Variants in BICD1 observed in about 807,000 individuals in gnomAD.
BICD1 encodes the protein BICD cargo adaptor 1.
BICD1 carries 35 observed loss-of-function variants against 92.5 expected under a neutral mutation model. The ratio of observed to expected loss-of-function variants is 0.38; its 90% confidence interval spans 0.29 to 0.50. BICD1 has a LOEUF of 0.50. Among genes scored for constraint, BICD1 ranks in the 20% least tolerant of loss-of-function variants. The pLI is 0.93. For missense variants in BICD1, 950 were observed against 1,189.8 expected (o/e 0.80, Z 2.97); for synonymous variants, 429 against 465.1 (o/e 0.92, Z 1.00).
chr12:32,363,211 AGAT>A (rs1431930122), intron 8 of BICD1, among the ~76,000 whole-genome samples: 1 of 152,188 alleles, frequency 6.6e-6, no homozygotes, highest in Non-Finnish European at 1.5e-5. Context: ...ACAGACCTAT[AGAT>A]GCTTTGAGCT....
At chr12:32,345,196 G>A (rs1938520460) in intron 8 of BICD1, among the ~76,000 whole-genome samples, 1 of 151,352 alleles carries the variant, frequency 6.6e-6, no homozygotes, top group African/African-American at 2.4e-5. Flanking sequence ...GCTAAGGCGG[G>A]AGGATTGCTT....
At chr12:32,336,072 T>C (rs1215048502) in intron 6 of BICD1, among the ~76,000 whole-genome samples, 1 of 152,226 alleles carries the variant, frequency 6.6e-6, no homozygotes, top group Non-Finnish European at 1.5e-5. Context: ...ATCACACCAC[T>C]GTACTCCAGC....
intron 1 of BICD1, among the ~76,000 whole-genome samples, chr12:32,195,949 G>A (rs1459611413): frequency 1.3e-5 from 2 of 152,106 alleles, no homozygotes; most frequent in Non-Finnish European, 2.9e-5. Context: ...TCATTAGCAA[G>A]AAAACATAAA....
At chr12:32,339,481 A>G in intron 8 of BICD1, 1 of 985,576 alleles carries the variant, frequency 1.0e-6, no homozygotes, top group Non-Finnish European at 1.2e-6. Flanking sequence ...CTCCTCAAGA[A>G]CATTTAGGTC....
chr12:32,345,665 G>C (rs1938538074), intron 8 of BICD1, among the ~76,000 whole-genome samples: 1 of 152,080 alleles, frequency 6.6e-6, no homozygotes, highest in Admixed American at 6.6e-5. Context: ...AAGTTATGAA[G>C]GGGAAGGAAG....
intron 1 of BICD1, among the ~76,000 whole-genome samples, chr12:32,137,096 T>C (rs916298506): frequency 4.6e-5 from 7 of 152,152 alleles, no homozygotes; most frequent in Non-Finnish European, 1.0e-4. Flanking sequence ...GTTTTTGTTT[T>C]TGTTTTGTTT....
At chr12:32,108,507 A>C (rs1941577145) in intron 1 of BICD1, 1 of 498,646 alleles carries the variant, frequency 2.0e-6, no homozygotes, top group Admixed American at 3.5e-5. Context: ...GCAAATAACC[A>C]CTTACAAATT....
At chr12:32,245,226 T>A (rs1946342273) in intron 2 of BICD1, among the ~76,000 whole-genome samples, 1 of 151,480 alleles carries the variant, frequency 6.6e-6, no homozygotes, top group Non-Finnish European at 1.5e-5. Flanking sequence ...TTGCTGGGAA[T>A]CAAAGAGCTT....
At chr12:32,185,805 A>G (rs1385461014) in intron 1 of BICD1, among the ~76,000 whole-genome samples, 1 of 152,228 alleles carries the variant, frequency 6.6e-6, no homozygotes, top group African/African-American at 2.4e-5. Context: ...TGTTTGTGTG[A>G]TGAGGTCCAG....
At chr12:32,211,357 A>G (rs1000298669) in intron 1 of BICD1, among the ~76,000 whole-genome samples, 2 of 152,254 alleles carry the variant, frequency 1.3e-5, no homozygotes, top group East Asian at 3.8e-4. Context: ...TGAAACTGGA[A>G]TAAATATGAA....
At chr12:32,170,748 A>T (rs1943911572) in intron 1 of BICD1, among the ~76,000 whole-genome samples, 1 of 152,188 alleles carries the variant, frequency 6.6e-6, no homozygotes, top group East Asian at 1.9e-4. Flanking sequence ...TGGTCCAGTG[A>T]TTCTCAACCA....
At chr12:32,336,803 A>G (rs1484764578) in intron 6 of BICD1, among the ~76,000 whole-genome samples, 1 of 152,152 alleles carries the variant, frequency 6.6e-6, no homozygotes. Flanking sequence ...GGTTTAAGAC[A>G]TTGCCTATTA....
chr12:32,191,755 A>T (rs934929714), intron 1 of BICD1, among the ~76,000 whole-genome samples: 1 of 150,686 alleles, frequency 6.6e-6, no homozygotes, highest in African/African-American at 2.4e-5. Context: ...TGATGTTACA[A>T]TAGTAATTGC....
intron 3 of BICD1, among the ~76,000 whole-genome samples, chr12:32,301,269 G>C (rs763025277): frequency 6.6e-6 from 1 of 152,056 alleles, no homozygotes; most frequent in Non-Finnish European, 1.5e-5. Flanking sequence ...CACTACCAGA[G>C]ATAAAGTAAA....
At chr12:32,218,164 CACTT>C (rs149920606) in intron 2 of BICD1, among the ~76,000 whole-genome samples, 12,564 of 152,204 alleles carry the variant, frequency 0.083, 562 homozygotes, top group Middle Eastern at 0.13. Context: ...GGAGCATCCT[CACTT>C]ACACAGCCAC....
intron 2 of BICD1, among the ~76,000 whole-genome samples, chr12:32,275,460 T>C (rs1947248980): frequency 6.6e-6 from 1 of 152,296 alleles, no homozygotes; most frequent in Middle Eastern, 3.4e-3. Context: ...CATCCTAACT[T>C]GTTCATATGA....
intron 1 of BICD1, among the ~76,000 whole-genome samples, chr12:32,211,363 A>G (rs919251083): frequency 1.3e-5 from 2 of 152,236 alleles, no homozygotes; most frequent in Non-Finnish European, 1.5e-5. Context: ...TGGAATAAAT[A>G]TGAATGGAGG....
chr12:32,130,574 T>C (rs1942507031), intron 1 of BICD1, among the ~76,000 whole-genome samples: 1 of 152,162 alleles, frequency 6.6e-6, no homozygotes, highest in African/African-American at 2.4e-5. Flanking sequence ...TTTGAGAACG[T>C]GGATTGGCAG....
chr12:32,112,660 A>C (rs576848031), intron 1 of BICD1, among the ~76,000 whole-genome samples: 1 of 152,176 alleles, frequency 6.6e-6, no homozygotes, highest in African/African-American at 2.4e-5. Context: ...TAAATAATTC[A>C]TTACGCTAAA....
Sources: allele counts gnomAD v4.1 joint callset (sites outside exome capture counted in the v4.1 genomes callset), GRCh38; gene constraint gnomAD v4.1.1; transcripts MANE v1.5; gene names NCBI Gene and HGNC (gene_info 2026-07-23, HGNC 2026-07-21).